The following DTD1 variants were observed in gnomAD, a reference collection of about 807,000 sequenced individuals.
The protein encoded by DTD1 is D-aminoacyl-tRNA deacylase 1, also known as D-tyrosyl-tRNA deacylase 1 homolog.
A neutral mutation model predicts 25.6 loss-of-function variants in DTD1; 13 were observed. The ratio of observed to expected loss-of-function variants is 0.51; its 90% confidence interval spans 0.33 to 0.81. The LOEUF is 0.81. Ranked by LOEUF, DTD1 falls within the 30% of genes least tolerant of loss-of-function variation. The probability of loss-of-function intolerance (pLI) is 0.02; values close to 1 mark genes in which losing one functional copy is unlikely to be tolerated. For synonymous variants in DTD1, 110 were observed against 103.6 expected (o/e 1.06, Z -0.37); for missense variants, 193 against 266.4 (o/e 0.72, Z 1.92).
intron 4 of DTD1, chr20:18,631,155 T>C (rs41277150): frequency 3.0e-6 from 3 of 985,504 alleles, no homozygotes; most frequent in African/African-American, 1.7e-5. Flanking sequence ...TCTATCCCCC[T>C]TCTGCCACCG....
At chr20:18,752,955 T>C (rs1042193531) in intron 5 of DTD1, among the ~76,000 whole-genome samples, 16 of 152,142 alleles carry the variant, frequency 1.1e-4, no homozygotes, top group African/African-American at 3.9e-4. Flanking sequence ...GGCTTCCACC[T>C]CCATTACCTT....
chr20:18,671,870 T>G (rs1475881687), intron 4 of DTD1, among the ~76,000 whole-genome samples: 1 of 152,144 alleles, frequency 6.6e-6, no homozygotes. Flanking sequence ...CAGAAACTTC[T>G]CCATTTACAG....
chr20:18,688,765 T>G (rs1000781533), intron 4 of DTD1, among the ~76,000 whole-genome samples: 1 of 152,024 alleles, frequency 6.6e-6, no homozygotes, highest in Non-Finnish European at 1.5e-5. Context: ...AGAGCCAAGA[T>G]CTCCTTCCAG....
Position 18,744,214 on chromosome 20 carries a change from G to A in DTD1, c.592G>A (p.Gly198Arg), listed in dbSNP as rs1347411922. Residue 198 changes from glycine to arginine, a missense_variant, in exon 5 of 6, where the codon GGG becomes AGG. Transcript: ENST00000377452. ...AAAAGAAGACCGCAGTGCCAGCAGC[G>A]GGGCTGAGGGCGACGTGTCCTCTGA... ...PRKEDRSASS[G>R]AEGDVSSERE... The A allele has an allele frequency of 5.0e-6, 8 of 1,612,144 alleles. No individual in the cohort carries two copies. Among genetic ancestry groups the A allele is most frequent in the African/African-American group, 1.3e-5 (1 of 74,876 alleles).
chr20:18,624,594 G>A (rs117297696), intron 3 of DTD1, among the ~76,000 whole-genome samples: 177 of 152,260 alleles, frequency 1.2e-3, no homozygotes, highest in Middle Eastern at 3.4e-3. Context: ...TCATACAGGT[G>A]TCCTTGTAGG....
chr20:18,613,836 A>T (rs1160019658), intron 3 of DTD1, among the ~76,000 whole-genome samples: 1 of 152,182 alleles, frequency 6.6e-6, no homozygotes, highest in African/African-American at 2.4e-5. Context: ...CATCAAACCA[A>T]TACCCATGCA....
chr20:18,682,066 T>C (rs2060999755), intron 4 of DTD1, among the ~76,000 whole-genome samples: 1 of 152,132 alleles, frequency 6.6e-6, no homozygotes, highest in Non-Finnish European at 1.5e-5. Context: ...TACAGTGTTA[T>C]TTGAAGGTGG....
intron 4 of DTD1, among the ~76,000 whole-genome samples, chr20:18,684,883 A>C (rs952334451): frequency 1.3e-5 from 2 of 151,484 alleles, no homozygotes; most frequent in Non-Finnish European, 2.9e-5. Flanking sequence ...GCTCAGCCCC[A>C]CTAAGGCACA....
chr20:18,745,337 C>T (rs1391716470), intron 5 of DTD1, among the ~76,000 whole-genome samples: 1 of 152,192 alleles, frequency 6.6e-6, no homozygotes, highest in Non-Finnish European at 1.5e-5. Context: ...GTGCCTAGTT[C>T]CTCCCACCAG....
intron 4 of DTD1, among the ~76,000 whole-genome samples, chr20:18,636,549 C>A (rs141804057): frequency 3.0e-4 from 45 of 152,226 alleles, no homozygotes; most frequent in African/African-American, 5.8e-4. Flanking sequence ...CAGCTTGCCG[C>A]AGTATAGGTG....
chr20:18,732,774 A>G (rs139219343), intron 4 of DTD1, among the ~76,000 whole-genome samples: 339 of 152,346 alleles, frequency 2.2e-3, no homozygotes, highest in Non-Finnish European at 3.8e-3. Context: ...AGCATATATA[A>G]TAAAAATGTG....
intron 4 of DTD1, among the ~76,000 whole-genome samples, chr20:18,662,117 G>T (rs1273550028): frequency 1.3e-5 from 2 of 152,012 alleles, no homozygotes; most frequent in African/African-American, 4.8e-5. Flanking sequence ...GCACCACTGC[G>T]GTCCAGCCTG....
chr20:18,681,107 G>T (rs752100235), intron 4 of DTD1, among the ~76,000 whole-genome samples: 1 of 152,084 alleles, frequency 6.6e-6, no homozygotes, highest in African/African-American at 2.4e-5. Context: ...GTGTTTCTAC[G>T]CCGGGTGAGT....
At chr20:18,759,874 A>G (rs1047170357) in intron 5 of DTD1, among the ~76,000 whole-genome samples, 4 of 152,130 alleles carry the variant, frequency 2.6e-5, no homozygotes, top group South Asian at 2.1e-4. Context: ...AGGTACACCA[A>G]TCAGATGTAG....
chr20:18,630,124 A>AG (rs2060779264), intron 4 of DTD1, among the ~76,000 whole-genome samples: 1 of 31,742 alleles, frequency 3.2e-5, no homozygotes, highest in Admixed American at 2.9e-4. Flanking sequence ...TAATGACATT[A>AG]AAAAAATCAC....
intron 5 of DTD1, among the ~76,000 whole-genome samples, chr20:18,758,467 T>C (rs1454779732): frequency 6.6e-6 from 1 of 152,228 alleles, no homozygotes; most frequent in Non-Finnish European, 1.5e-5. Context: ...TTCTGGTATG[T>C]TGTGTCTTTG....
At chr20:18,638,326 A>C (rs991842460) in intron 4 of DTD1, among the ~76,000 whole-genome samples, 1 of 152,184 alleles carries the variant, frequency 6.6e-6, no homozygotes, top group Admixed American at 6.5e-5. Context: ...GCACTGAAAC[A>C]ACATTGTACC....
At chr20:18,761,486 T>C (rs1219405180) in intron 5 of DTD1, among the ~76,000 whole-genome samples, 1 of 152,182 alleles carries the variant, frequency 6.6e-6, no homozygotes, top group Non-Finnish European at 1.5e-5. Context: ...GTGTCACCTG[T>C]TTTTTATCTT....
intron 5 of DTD1, among the ~76,000 whole-genome samples, chr20:18,756,284 A>G (rs6035116): frequency 0.54 from 82,232 of 151,688 alleles, 23,392 homozygotes; most frequent in Non-Finnish European, 0.62. Context: ...ATTAGATCCC[A>G]TTTGTCAATT....
Sources: allele counts gnomAD v4.1 joint callset (sites outside exome capture counted in the v4.1 genomes callset), GRCh38; gene constraint gnomAD v4.1.1; transcripts MANE v1.5; gene names NCBI Gene and HGNC (gene_info 2026-07-23, HGNC 2026-07-21).